RANBP2: variants seen among roughly 807,000 people sequenced by gnomAD.
RANBP2 encodes RAN binding protein 2, also known as E3 SUMO-protein ligase RanBP2.
Under a neutral mutation model 303.6 loss-of-function variants are expected in RANBP2, and 57 were observed. That is an observed-to-expected ratio of 0.19 (90% CI 0.15 to 0.23). The LOEUF (loss-of-function observed/expected upper bound fraction) is 0.23. Among genes scored for constraint, RANBP2 ranks in the 10% least tolerant of loss-of-function variants. The pLI is 1.00. For missense variants in RANBP2, 3,138 were observed against 3,780.8 expected, an observed-to-expected ratio of 0.83 and a Z score of 4.46; for synonymous variants, 1,167 against 1,301.5, an observed-to-expected ratio of 0.90 and a Z score of 2.23.
the RANBP2 span, among the ~76,000 whole-genome samples, chr2:109,295,260 C>T: frequency 3.3e-5 from 5 of 152,208 alleles, no homozygotes; most frequent in Admixed American, 6.5e-5. Flanking sequence ...TCGCTTGGGC[C>T]TGCGGTGGCT....
intron 6 of RANBP2, among the ~76,000 whole-genome samples, chr2:108,739,174 G>C (rs955206957): frequency 1.3e-5 from 2 of 151,846 alleles, no homozygotes; most frequent in Admixed American, 1.3e-4. Context: ...AGGCCGAGGC[G>C]GGTGGATCAC....
the RANBP2 span, among the ~76,000 whole-genome samples, chr2:109,400,062 C>T: frequency 6.6e-6 from 1 of 152,252 alleles, no homozygotes; most frequent in Non-Finnish European, 1.5e-5. Flanking sequence ...CACCAATAAG[C>T]AACTGGCTGG....
the RANBP2 span, among the ~76,000 whole-genome samples, chr2:109,631,997 C>T: frequency 6.6e-6 from 1 of 152,016 alleles, no homozygotes; most frequent in Non-Finnish European, 1.5e-5. Flanking sequence ...AGTCACCTGA[C>T]CTTGAAGAGA....
chr2:109,170,988 C>T, the RANBP2 span, among the ~76,000 whole-genome samples: 1 of 152,164 alleles, frequency 6.6e-6, no homozygotes, highest in Non-Finnish European at 1.5e-5. Context: ...GCGCTCCCCA[C>T]AGGAACCAAG....
At chr2:109,053,342 G>A in the RANBP2 span, among the ~76,000 whole-genome samples, 5 of 152,326 alleles carry the variant, frequency 3.3e-5, no homozygotes, top group African/African-American at 1.2e-4. Context: ...TTTCTTGCTT[G>A]TAGTTCTCGC....
At position 108,782,119 on chromosome 2, in the gene RANBP2, C is replaced by G; in HGVS notation, c.8761-9C>G. On this transcript the variant is annotated splice_polypyrimidine_tract_variant and intron_variant, in intron 26 of 28. Transcript: ENST00000283195. Reference sequence around the variant, plus strand: ...AGCAGCTTATAGAGAATTTCATCTCCTATTATAGGTAGAAGTAAAATCTGG... The same window carrying G: ...AGCAGCTTATAGAGAATTTCATCTCGTATTATAGGTAGAAGTAAAATCTGG... The G allele has an allele frequency of 6.2e-7, 1 of 1,613,642 alleles. No homozygotes were observed. The highest frequency in any genetic ancestry group is 1.7e-4 in the Middle Eastern group (1 of 6,050).
the RANBP2 span, among the ~76,000 whole-genome samples, chr2:109,035,608 T>C: frequency 6.6e-6 from 1 of 151,836 alleles, no homozygotes; most frequent in Admixed American, 6.6e-5. Context: ...GAGGAAAGGC[T>C]GGCCTGACAA....
rs1387899760 is a variant in RANBP2 at position 108,756,932 on chromosome 2, A to G, written c.2467-1481A>G. On this transcript the variant is annotated intron_variant, in intron 17 of 28. Coordinates refer to ENST00000283195, the MANE Select transcript of RANBP2 (RefSeq NM_006267.5). Reference sequence around the variant, plus strand: ...TCCACTAGTTTCTTATTGGATGTGTATGTGTAGCATCTGGACTAGGCACTG... The same window carrying G: ...TCCACTAGTTTCTTATTGGATGTGTGTGTGTAGCATCTGGACTAGGCACTG... Among the ~76,000 whole-genome samples, 43 of 152,252 alleles carry G rather than the reference A, an allele frequency of 2.8e-4. 1 individual carries two copies. Among genetic ancestry groups the G allele is most frequent in the Admixed American group, 2.6e-3 (39 of 15,292 alleles).
At chr2:109,686,734 C>A in the RANBP2 span, among the ~76,000 whole-genome samples, 2 of 152,072 alleles carry the variant, frequency 1.3e-5, no homozygotes, top group Non-Finnish European at 2.9e-5. Flanking sequence ...GTCTCAGCCT[C>A]CTGAGTAGCT....
At chr2:108,743,239 G>C (rs1013476839) in intron 7 of RANBP2, among the ~76,000 whole-genome samples, 1 of 152,140 alleles carries the variant, frequency 6.6e-6, no homozygotes, top group Non-Finnish European at 1.5e-5. Context: ...TGCTGGGATT[G>C]TAGGTGTGAG....
chr2:108,779,808 C>G (rs1678119722), intron 25 of RANBP2, among the ~76,000 whole-genome samples: 1 of 152,164 alleles, frequency 6.6e-6, no homozygotes, highest in Non-Finnish European at 1.5e-5. Flanking sequence ...ATCTAATACC[C>G]TTTGGGCAGT....
At chr2:109,505,997 C>G in the RANBP2 span, among the ~76,000 whole-genome samples, 4 of 152,160 alleles carry the variant, frequency 2.6e-5, no homozygotes, top group Non-Finnish European at 4.4e-5. Context: ...GGCCTGGTGC[C>G]GTTTTACATT....
chr2:108,762,054 G>A lies in RANBP2; in HGVS notation c.2603-47G>A, dbSNP rs747413002. On this transcript the variant is annotated intron_variant, in intron 18 of 28. Coordinates refer to ENST00000283195, the MANE Select transcript of RANBP2 (RefSeq NM_006267.5). ...TCTTGCCTAGATAGTCTTAACTGTA[G>A]TATAGACTTTAACAGTGTTTTCTTT... is the stretch of plus-strand genomic sequence containing the variant. The A allele has an allele frequency of 8.8e-6, 14 of 1,595,332 alleles. No individual in the cohort carries two copies. In the South Asian group the frequency reaches 1.3e-4, roughly 15 times the overall value.
At chr2:108,725,398 AAAG>A (rs1196081714) in intron 1 of RANBP2, among the ~76,000 whole-genome samples, 1 of 152,230 alleles carries the variant, frequency 6.6e-6, no homozygotes, top group African/African-American at 2.4e-5. Flanking sequence ...AGTTGGAAGC[AAAG>A]AAGGTAATGG....
At chr2:109,498,940 G>A in the RANBP2 span, among the ~76,000 whole-genome samples, 1 of 152,336 alleles carries the variant, frequency 6.6e-6, no homozygotes, top group Non-Finnish European at 1.5e-5. Flanking sequence ...GCTAGGGCGC[G>A]GCAGGGCAGA....
At chr2:109,456,364 A>G in the RANBP2 span, among the ~76,000 whole-genome samples, 1 of 152,198 alleles carries the variant, frequency 6.6e-6, no homozygotes, top group East Asian at 1.9e-4. Flanking sequence ...AAATGAACCC[A>G]TCCTGAAAGC....
chr2:109,706,209 G>A, the RANBP2 span, among the ~76,000 whole-genome samples: 2 of 152,218 alleles, frequency 1.3e-5, no homozygotes, highest in Non-Finnish European at 1.5e-5. Context: ...AGCTCCTTGT[G>A]TGATGTAAAT....
the RANBP2 span, among the ~76,000 whole-genome samples, chr2:109,659,669 C>A: frequency 6.6e-6 from 1 of 152,162 alleles, no homozygotes; most frequent in Non-Finnish European, 1.5e-5. Flanking sequence ...AAAAACAATT[C>A]CTAGGTTAGA....
At chr2:108,815,832 G>T in the RANBP2 span, 1 of 900,178 alleles carries the variant, frequency 1.1e-6, no homozygotes, top group Non-Finnish European at 1.7e-6. Flanking sequence ...ACACATTTTA[G>T]TGAATTACTT....
Sources: gnomAD v4.1 joint callset for allele counts (sites outside exome capture counted in the v4.1 genomes callset) on GRCh38, gnomAD v4.1.1 for gene constraint, MANE v1.5 for transcripts, NCBI Gene and HGNC (gene_info 2026-07-23, HGNC 2026-07-21) for gene names.